PKIB: variants seen among roughly 807,000 people sequenced by gnomAD.
PKIB encodes cAMP-dependent protein kinase inhibitor beta, also known as PKI-beta.
Under a neutral mutation model 4.5 loss-of-function variants are expected in PKIB, and 2 were observed. The ratio of observed to expected loss-of-function variants is 0.44; its 90% CI spans 0.18 to 1.39. The LOEUF (loss-of-function observed/expected upper bound fraction) is 1.39, where lower values mean the gene tolerates loss of function less well. Ranked by LOEUF, PKIB falls within the 40% of genes most tolerant of loss-of-function variation. PKIB has a pLI of 0.27. For synonymous variants in PKIB, 38 were observed against 36.0 expected (o/e 1.06, Z -0.20); for missense variants, 94 against 92.6 (o/e 1.02, Z -0.06).
At chr6:122,646,200 G>T (rs1336030002) in intron 2 of PKIB, among the ~76,000 whole-genome samples, 22 of 152,160 alleles carry the variant, frequency 1.4e-4, no homozygotes, top group Non-Finnish European at 1.5e-5. Context: ...GCTTGTAATA[G>T]AAGAGAAAAT....
intron 3 of PKIB, among the ~76,000 whole-genome samples, chr6:122,704,446 G>T (rs923076756): frequency 3.3e-5 from 5 of 152,084 alleles, no homozygotes. Context: ...ATTGTTAGGT[G>T]CTTTCATCCT....
chr6:122,557,362 A>C (rs996031916), intron 2 of PKIB, among the ~76,000 whole-genome samples: 2 of 152,164 alleles, frequency 1.3e-5, no homozygotes, highest in Non-Finnish European at 2.9e-5. Flanking sequence ...CCCTATAATC[A>C]ACCAAGGAAG....
intron 3 of PKIB, among the ~76,000 whole-genome samples, chr6:122,713,974 G>A (rs973878037): frequency 6.6e-6 from 1 of 152,036 alleles, no homozygotes; most frequent in African/African-American, 2.4e-5. Flanking sequence ...CTTTAACACT[G>A]TGGTATAACA....
chr6:122,689,110 T>C (rs1778221556), intron 3 of PKIB, among the ~76,000 whole-genome samples: 1 of 152,158 alleles, frequency 6.6e-6, no homozygotes, highest in Admixed American at 6.5e-5. Context: ...GTATTGGTTG[T>C]AACATCTCCT....
intron 2 of PKIB, among the ~76,000 whole-genome samples, chr6:122,567,706 A>T (rs1003594829): frequency 6.6e-6 from 1 of 152,234 alleles, no homozygotes; most frequent in Admixed American, 6.5e-5. Flanking sequence ...CATAGGCAAA[A>T]TAATGTATAC....
intron 2 of PKIB, among the ~76,000 whole-genome samples, chr6:122,540,436 G>T (rs1777557974): frequency 6.6e-6 from 1 of 151,848 alleles, no homozygotes; most frequent in South Asian, 2.1e-4. Flanking sequence ...ATTTCATTAG[G>T]TACCCAGTAG....
chr6:122,623,047 C>T (rs940685912), intron 1 of PKIB, among the ~76,000 whole-genome samples: 2 of 152,068 alleles, frequency 1.3e-5, no homozygotes, highest in African/African-American at 4.8e-5. Flanking sequence ...ACTATTAAGC[C>T]AGAGCAAACA....
intron 3 of PKIB, among the ~76,000 whole-genome samples, chr6:122,600,020 T>G (rs62422814): frequency 0.021 from 1,407 of 68,306 alleles, 23 homozygotes; most frequent in East Asian, 0.1. Context: ...TATATCTATA[T>G]CTATATCTAT....
chr6:122,649,762 G>A (rs1208714192), intron 2 of PKIB, among the ~76,000 whole-genome samples: 3 of 152,134 alleles, frequency 2.0e-5, no homozygotes, highest in African/African-American at 4.8e-5. Context: ...CCAGTAGCAG[G>A]CAAAAAGCTG....
chr6:122,625,572 A>G (rs1775403758), intron 1 of PKIB, among the ~76,000 whole-genome samples: 1 of 152,122 alleles, frequency 6.6e-6, no homozygotes, highest in Non-Finnish European at 1.5e-5. Context: ...TGAGAGGCGG[A>G]GGTTGCAGTG....
chr6:122,569,950 T>G (rs548438814), intron 2 of PKIB, among the ~76,000 whole-genome samples: 42 of 152,314 alleles, frequency 2.8e-4, no homozygotes, highest in Non-Finnish European at 5.4e-4. Flanking sequence ...ATTAAGGGTC[T>G]TGGAGACGGT....
rs148026155 is a variant in PKIB at position 122,641,024 on chromosome 6, TATA to T, written c.-76+7660_-76+7662del. Among the ~76,000 whole-genome samples the T allele has an allele frequency of 1.2e-3, 186 of 152,344 alleles. 3 individuals carry two copies. In the East Asian group the frequency reaches 0.02, roughly 17 times the overall value. Reference sequence around the variant, plus strand: ...CTCCCAAAATTGACTCATTTTATTTTATAATGTCTGCTTAAAGTCTCCTTTATA... The same window carrying T: ...CTCCCAAAATTGACTCATTTTATTTTATGTCTGCTTAAAGTCTCCTTTATA... On this transcript the variant is annotated intron_variant, in intron 2 of 4. Coordinates refer to ENST00000368452, the MANE Select transcript of PKIB (RefSeq NM_181795.3).
At chr6:122,714,456 T>A (rs1779398785) in intron 3 of PKIB, among the ~76,000 whole-genome samples, 2 of 152,174 alleles carry the variant, frequency 1.3e-5, no homozygotes, top group Non-Finnish European at 2.9e-5. Flanking sequence ...GATTCTTTTA[T>A]TTTCCAGCAT....
chr6:122,578,171 G>A (rs370331782), intron 2 of PKIB, among the ~76,000 whole-genome samples: 15 of 152,198 alleles, frequency 9.9e-5, no homozygotes, highest in South Asian at 8.3e-4. Flanking sequence ...TACTTTAAAT[G>A]TGAGTAAAAT....
chr6:122,523,800 A>G (rs1433347560), intron 2 of PKIB, among the ~76,000 whole-genome samples: 4 of 150,752 alleles, frequency 2.7e-5, no homozygotes, highest in Admixed American at 1.3e-4. Flanking sequence ...AAAAAAAAGG[A>G]TGTTCCCCTG....
At chr6:122,571,951 G>T (rs1773377895) in intron 2 of PKIB, among the ~76,000 whole-genome samples, 1 of 152,054 alleles carries the variant, frequency 6.6e-6, no homozygotes, top group Non-Finnish European at 1.5e-5. Context: ...ATAGCAGAAT[G>T]GATTAAAAAA....
chr6:122,596,806 C>T (rs1313956863), intron 3 of PKIB, among the ~76,000 whole-genome samples: 1 of 152,182 alleles, frequency 6.6e-6, no homozygotes, highest in Non-Finnish European at 1.5e-5. Context: ...GGTCATATGG[C>T]CCAAGTGGCA....
At chr6:122,575,827 A>T (rs551814467) in intron 2 of PKIB, among the ~76,000 whole-genome samples, 1 of 152,254 alleles carries the variant, frequency 6.6e-6, no homozygotes. Flanking sequence ...TTGGGTGACA[A>T]GTGCACTAAA....
intron 3 of PKIB, among the ~76,000 whole-genome samples, chr6:122,691,831 C>G (rs1582816529): frequency 6.6e-6 from 1 of 152,054 alleles, no homozygotes; most frequent in Non-Finnish European, 1.5e-5. Context: ...TTTACTTATC[C>G]TTCTTGGGAA....
Sources: allele counts gnomAD v4.1 joint callset (sites outside exome capture counted in the v4.1 genomes callset), GRCh38; gene constraint gnomAD v4.1.1; transcripts MANE v1.5; gene names NCBI Gene and HGNC (gene_info 2026-07-23, HGNC 2026-07-21).